Variants in MYO5A observed in about 807,000 individuals in gnomAD.
MYO5A encodes unconventional myosin-Va.
Under a neutral mutation model 249.7 loss-of-function variants are expected in MYO5A, and 98 were observed. The ratio of observed to expected loss-of-function variants is 0.39; its 90% CI spans 0.33 to 0.46. The LOEUF (loss-of-function observed/expected upper bound fraction) is 0.46, where lower values mean the gene tolerates loss of function less well. MYO5A is among the 20% of genes least tolerant of loss of function. MYO5A has a pLI of 0.98. For synonymous variants in MYO5A, 778 were observed against 810.6 expected (o/e 0.96, Z 0.68); for missense variants, 1,696 against 2,308.8 (o/e 0.73, Z 5.44).
intron 37 of MYO5A, among the ~76,000 whole-genome samples, chr15:52,322,977 C>T (rs575325445): frequency 5.9e-5 from 9 of 152,028 alleles, no homozygotes; most frequent in Non-Finnish European, 1.3e-4. Flanking sequence ...GCCATCCCTC[C>T]CCCCGATTTT....
chr15:52,319,395 T>A, intron 38 of MYO5A, 53 bp from the exon 39 acceptor site: 1 of 1,567,114 alleles, frequency 6.4e-7, no homozygotes, highest in Non-Finnish European at 8.8e-7. Context: ...GAACCTTTCA[T>A]GTGCACATAT....
At chr15:52,331,337 T>TA (rs951773607) in intron 34 of MYO5A, among the ~76,000 whole-genome samples, 6 of 147,766 alleles carry the variant, frequency 4.1e-5, no homozygotes, top group Admixed American at 6.8e-5. Context: ...TGCTAAAGGT[T>TA]AAAAAAAAAA....
chr15:52,320,988 G>A (rs112186789), intron 38 of MYO5A, among the ~76,000 whole-genome samples: 12,956 of 151,440 alleles, frequency 0.086, 1,710 homozygotes, highest in African/African-American at 0.29. Flanking sequence ...ACTCCAGCCT[G>A]GGCGACAGAG....
At chr15:52,348,954 T>C (rs899838065) in intron 28 of MYO5A, 128 bp from the exon 29 acceptor site, 19 of 1,008,362 alleles carry the variant, frequency 1.9e-5, no homozygotes, top group African/African-American at 4.9e-5. Flanking sequence ...CCATGAGTTG[T>C]TTCTCTAAAA....
At position 52,311,688 on chromosome 15, in the gene MYO5A, C is replaced by T. The variant is rs1421313134; in HGVS notation, c.*2008G>A. ...TCCTAAGGAATTGACAGGCACTACA[C>T]ACTGGTCTTTCCATCAGAGAATGGA... is the stretch of plus-strand genomic sequence containing the variant. On this transcript the variant is annotated 3_prime_UTR_variant, in exon 42 of 42. Coordinates refer to ENST00000399233, the MANE Select transcript of MYO5A (RefSeq NM_001382347.1). 2 of 152,204 alleles carry T rather than the reference C, an allele frequency of 1.3e-5. No homozygotes were observed. Among genetic ancestry groups the T allele is most frequent in the South Asian group, 2.1e-4 (1 of 4,824 alleles). The allele number at this position is 152,204 out of a possible 1,614,324, so 9.4% of individuals were successfully genotyped here. A position where few individuals can be genotyped will look rare whatever the true frequency, so the allele number is the denominator to read the frequency against.
intron 30 of MYO5A, among the ~76,000 whole-genome samples, chr15:52,345,684 T>G (rs1270805033): frequency 6.6e-6 from 1 of 152,210 alleles, no homozygotes; most frequent in African/African-American, 2.4e-5. Flanking sequence ...CCTCCATTGG[T>G]TGACTCCACA....
At chr15:52,500,536 C>T (rs1229994070) in intron 1 of MYO5A, among the ~76,000 whole-genome samples, 4 of 151,786 alleles carry the variant, frequency 2.6e-5, no homozygotes, top group Non-Finnish European at 4.4e-5. Context: ...TTAGTAGAAA[C>T]GGGGTTTCAC....
At chr15:52,450,759 TC>T (rs1319424227) in intron 1 of MYO5A, among the ~76,000 whole-genome samples, 1 of 150,396 alleles carries the variant, frequency 6.6e-6, no homozygotes, top group Non-Finnish European at 1.5e-5. Flanking sequence ...CATCTCAGCC[TC>T]CCAGAGTGCT....
intron 38 of MYO5A, 91 bp from the exon 39 acceptor site, chr15:52,319,433 A>G (rs552027605): frequency 7.0e-7 from 1 of 1,430,968 alleles, no homozygotes; most frequent in African/African-American, 1.4e-5. Flanking sequence ...TGCACATTCA[A>G]CTTAGGAAAA....
intron 11 of MYO5A, 101 bp from the exon 12 acceptor site, chr15:52,392,171 A>G: frequency 8.6e-7 from 1 of 1,168,938 alleles, no homozygotes; most frequent in Admixed American, 1.9e-5. Context: ...GTGGCTTTCA[A>G]CAACAACAAC....
chr15:52,386,532 G>A (rs1305944452), intron 14 of MYO5A, among the ~76,000 whole-genome samples: 1 of 151,928 alleles, frequency 6.6e-6, no homozygotes, highest in African/African-American at 2.4e-5. Flanking sequence ...TTAATGCCCA[G>A]TGCCTGTTAG....
At chr15:52,404,083 T>C (rs2042884558) in intron 9 of MYO5A, among the ~76,000 whole-genome samples, 1 of 151,996 alleles carries the variant, frequency 6.6e-6, no homozygotes, top group Non-Finnish European at 1.5e-5. Flanking sequence ...CTGGCCAACA[T>C]GGCAAAACCC....
intron 1 of MYO5A, among the ~76,000 whole-genome samples, chr15:52,466,449 C>A (rs2076355484): frequency 6.6e-6 from 1 of 152,204 alleles, no homozygotes; most frequent in Non-Finnish European, 1.5e-5. Flanking sequence ...CCCAAGACTG[C>A]ACTGCAGACG....
At chr15:52,505,232 T>C (rs2077244133) in intron 1 of MYO5A, 6 of 774,088 alleles carry the variant, frequency 7.8e-6, no homozygotes, top group Non-Finnish European at 1.2e-5. Context: ...CTCCAGGTGC[T>C]CAATGATTAC....
chr15:52,376,370 G>A lies in MYO5A; in HGVS notation c.2397C>T (p.Tyr799=), dbSNP rs772277161. The A allele has an allele frequency of 2.2e-5, 36 of 1,613,968 alleles. 1 individual carries two copies. The highest frequency in any genetic ancestry group is 2.0e-4 in the South Asian group (18 of 91,076). ...MRKAAITMQR[Y]VRGYQARCYA... is the part of the protein sequence containing the mutation. The stretch of plus-strand genomic sequence containing the variant: ...ACCATCGGGCCTGGTAGCCCCGCAC[G>A]TATCTCTGCATGGTGATGGCTGCCT... Residue 799 remains tyrosine (Y), a synonymous_variant, in exon 19 of 42, where the codon TAC becomes TAT. Coordinates refer to ENST00000399233, the MANE Select transcript of MYO5A (RefSeq NM_001382347.1).
In MYO5A at chr15:52,379,863, G is replaced by C. The variant is rs199876666; in HGVS notation, c.2058C>G (p.Val686=). Residue 686 remains valine, a synonymous_variant, in exon 17 of 42, where the codon GTC becomes GTG. Coordinates refer to ENST00000399233, the MANE Select transcript of MYO5A (RefSeq NM_001382347.1). ...CCGCACTGATTCGGATGGTTTCCAG[G>C]ACACCACATGCTCTCAGCTGCTGCA... ...RAVQQLRACG[V]LETIRISAAG... 4 of 1,614,166 alleles carry C rather than the reference G, an allele frequency of 2.5e-6. No individual in the cohort carries two copies. Among genetic ancestry groups the C allele is most frequent in the Non-Finnish European group, 3.4e-6 (4 of 1,180,016 alleles).
chr15:52,454,455 AC>A (rs2076079979), intron 1 of MYO5A, among the ~76,000 whole-genome samples: 1 of 152,156 alleles, frequency 6.6e-6, no homozygotes, highest in South Asian at 2.1e-4. Flanking sequence ...TGGACAGATC[AC>A]CCAGACAGAA....
intron 1 of MYO5A, among the ~76,000 whole-genome samples, chr15:52,472,225 C>A (rs1336453461): frequency 6.6e-6 from 1 of 151,950 alleles, no homozygotes; most frequent in Non-Finnish European, 1.5e-5. Flanking sequence ...ACTACAGGGA[C>A]CAGCCACCAC....
intron 20 of MYO5A, among the ~76,000 whole-genome samples, chr15:52,373,915 C>T (rs2041263602): frequency 6.6e-6 from 1 of 151,740 alleles, no homozygotes; most frequent in Non-Finnish European, 1.5e-5. Context: ...CAAGCCTCAC[C>T]AGTTTCGAAT....
Sources: gnomAD v4.1 joint callset for allele counts (sites outside exome capture counted in the v4.1 genomes callset) on GRCh38, gnomAD v4.1.1 for gene constraint, MANE v1.5 for transcripts, NCBI Gene and HGNC (gene_info 2026-07-23, HGNC 2026-07-21) for gene names.